The following SYT16 variants were observed in gnomAD, a reference collection of about 807,000 sequenced individuals.
The protein encoded by SYT16 is synaptotagmin-16.
Under a neutral mutation model 61.4 loss-of-function variants are expected in SYT16, and 42 were observed. The ratio of observed to expected loss-of-function variants is 0.68; its 90% CI spans 0.53 to 0.89. The LOEUF is 0.89. SYT16 is among the 40% of genes least tolerant of loss of function. The pLI, the probability that SYT16 is intolerant of heterozygous loss-of-function variation, is 0.00. For missense variants in SYT16, 804 were observed against 807.3 expected (o/e 1.00, Z 0.05); for synonymous variants, 314 against 302.3 (o/e 1.04, Z -0.40).
chr14:61,932,477 G>T (rs763172185), intron 1 of SYT16, among the ~76,000 whole-genome samples: 5 of 152,190 alleles, frequency 3.3e-5, no homozygotes, highest in Non-Finnish European at 7.3e-5. Context: ...GGCAGCAGGT[G>T]AGAGAGAGCG....
intron 1 of SYT16, among the ~76,000 whole-genome samples, chr14:61,889,175 G>C (rs1363276213): frequency 6.6e-6 from 1 of 152,170 alleles, no homozygotes. Context: ...CTCCAACAAG[G>C]ACAAGTGGGG....
rs2050209837 is a variant in SYT16, at chr14:61,941,543, CA to C, written c.-324-28588del. Among the ~76,000 whole-genome samples, 4 of 152,344 alleles carry C rather than the reference CA, an allele frequency of 2.6e-5. No individual in the cohort carries two copies. In the South Asian group the frequency reaches 8.3e-4, roughly 32 times the overall value. On this transcript the variant is annotated intron_variant, in intron 1 of 7. Transcript: ENST00000683842. The stretch of plus-strand genomic sequence containing the variant: ...TCTTGCTACTTTTCCCTCTTTCCAG[CA>C]CAATCCTGTCCTCCATGAGATAAAG...
At chr14:62,043,741 T>C (rs1434870103) in intron 3 of SYT16, among the ~76,000 whole-genome samples, 1 of 151,664 alleles carries the variant, frequency 6.6e-6, no homozygotes, top group Non-Finnish European at 1.5e-5. Context: ...ATTTTCCACA[T>C]CTATTGAGAT....
intron 1 of SYT16, among the ~76,000 whole-genome samples, chr14:61,923,916 A>C (rs535643670): frequency 6.6e-6 from 1 of 152,326 alleles, no homozygotes; most frequent in East Asian, 1.9e-4. Context: ...GATCACAATT[A>C]ATGTATTTTG....
At chr14:62,075,412 T>G in intron 5 of SYT16, 21 bp downstream of exon 5, 1 of 1,583,238 alleles carries the variant, frequency 6.3e-7, no homozygotes, top group Non-Finnish European at 8.6e-7. Flanking sequence ...TGTTTTTCAT[T>G]CTTTCATTGG....
intron 1 of SYT16, among the ~76,000 whole-genome samples, chr14:61,934,305 A>G (rs2049892660): frequency 6.6e-6 from 1 of 152,202 alleles, no homozygotes; most frequent in African/African-American, 2.4e-5. Context: ...TAAATGGCTT[A>G]AAAAGTACAT....
chr14:61,926,319 C>A (rs2049536161), intron 1 of SYT16, among the ~76,000 whole-genome samples: 2 of 152,160 alleles, frequency 1.3e-5, no homozygotes, highest in South Asian at 2.1e-4. Context: ...TTATTGCCAC[C>A]CCTATGAAGG....
intron 1 of SYT16, among the ~76,000 whole-genome samples, chr14:61,914,295 C>G (rs932207077): frequency 3.3e-5 from 5 of 152,150 alleles, no homozygotes; most frequent in Non-Finnish European, 4.4e-5. Context: ...GCACAGATGA[C>G]GCACTATTTT....
chr14:61,945,844 A>G (rs1184717268), intron 1 of SYT16, among the ~76,000 whole-genome samples: 1 of 120,760 alleles, frequency 8.3e-6, no homozygotes, highest in Non-Finnish European at 1.6e-5. Flanking sequence ...CGACAGAGCG[A>G]GACTCCGTCT....
intron 7 of SYT16, among the ~76,000 whole-genome samples, chr14:62,091,250 A>G (rs953333022): frequency 5.9e-5 from 9 of 152,232 alleles, no homozygotes; most frequent in African/African-American, 2.2e-4. Context: ...TCAGCTTAGC[A>G]TTTTGTTCCC....
intron 7 of SYT16, among the ~76,000 whole-genome samples, chr14:62,094,517 A>C (rs565681891): frequency 2.6e-5 from 4 of 152,168 alleles, no homozygotes; most frequent in Admixed American, 2.6e-4. Flanking sequence ...ACCATCTCAT[A>C]ATATGGATTA....
Position 62,085,862 on chromosome 14 carries a change from T to C in SYT16, c.1624+1477T>C, listed in dbSNP as rs76754060. 8.4e-4 allele frequency among the ~76,000 whole-genome samples: 128 copies of C among 152,362 alleles called. 5 individuals are homozygous for C. The East Asian group carries it at 0.02, about 24-fold the overall frequency. On this transcript the variant is annotated intron_variant, in intron 7 of 7. Coordinates refer to ENST00000683842, the MANE Select transcript of SYT16 (RefSeq NM_001367656.1). ...CTTTTTGCTAGATACCAATTTGTTT[T>C]CCAGAATAGCTCTGAATTTACTAGA...
intron 3 of SYT16, among the ~76,000 whole-genome samples, chr14:62,029,287 C>G (rs1255445686): frequency 6.6e-6 from 1 of 152,134 alleles, no homozygotes; most frequent in East Asian, 1.9e-4. Flanking sequence ...CACCATCACA[C>G]CTGGTTGTGA....
chr14:61,824,483 G>C (rs2045711992), intron 1 of SYT16, among the ~76,000 whole-genome samples: 3 of 152,104 alleles, frequency 2.0e-5, no homozygotes, highest in South Asian at 4.1e-4. Context: ...CTCCCGAGTA[G>C]CTGGGACTAC....
At chr14:61,949,735 A>C (rs2050594344) in intron 1 of SYT16, among the ~76,000 whole-genome samples, 1 of 152,180 alleles carries the variant, frequency 6.6e-6, no homozygotes, top group Non-Finnish European at 1.5e-5. Flanking sequence ...TATCATTCAC[A>C]ACTTTACAGC....
chr14:61,817,920 C>T (rs1006653986), intron 1 of SYT16, among the ~76,000 whole-genome samples: 5 of 152,096 alleles, frequency 3.3e-5, no homozygotes, highest in Non-Finnish European at 5.9e-5. Flanking sequence ...CAAAGGTGGC[C>T]GAAGGTTAGC....
rs549868765 is a variant in SYT16 at position 61,843,048 on chromosome 14, T to C, written c.-325+30238T>C. Among the ~76,000 whole-genome samples, 46 of 152,116 alleles carry C rather than the reference T, an allele frequency of 3.0e-4. No homozygotes were observed. In the South Asian group the frequency reaches 9.6e-3, roughly 32 times the overall value. ...AACAGTGCTGCTACAAACATGGGAG[T>C]GTAGATTTCTCTTTCATGTACTGAT... is the stretch of plus-strand genomic sequence containing the variant. On this transcript the variant is annotated intron_variant, in intron 1 of 7. Transcript: ENST00000683842.
At chr14:61,850,860 A>T (rs1327547320) in intron 1 of SYT16, among the ~76,000 whole-genome samples, 1 of 152,218 alleles carries the variant, frequency 6.6e-6, no homozygotes, top group African/African-American at 2.4e-5. Flanking sequence ...CTGTTGTGAA[A>T]ACAGCAGTTA....
intron 1 of SYT16, among the ~76,000 whole-genome samples, chr14:61,880,724 G>T (rs1476228446): frequency 6.6e-6 from 1 of 151,442 alleles, no homozygotes; most frequent in African/African-American, 2.4e-5. Flanking sequence ...TGTTTCTATT[G>T]TAAATAGTGT....
Sources: allele counts gnomAD v4.1 joint callset (sites outside exome capture counted in the v4.1 genomes callset), GRCh38; gene constraint gnomAD v4.1.1; transcripts MANE v1.5; gene names NCBI Gene and HGNC (gene_info 2026-07-23, HGNC 2026-07-21).